ROCK1: variants seen among roughly 807,000 people sequenced by gnomAD.
ROCK1 encodes the protein Rho associated coiled-coil containing protein kinase 1, also known as rho-associated protein kinase 1.
Under a neutral mutation model 196.8 loss-of-function variants are expected in ROCK1, and 36 were observed. The observed-to-expected ratio is 0.18, with a 90% confidence interval of 0.14 to 0.24. The LOEUF (loss-of-function observed/expected upper bound fraction) is 0.24. ROCK1 is among the 10% of genes least tolerant of loss of function. The probability of loss-of-function intolerance (pLI) is 1.00; values close to 1 mark genes in which losing one functional copy is unlikely to be tolerated. For missense variants in ROCK1, 920 were observed against 1,562.0 expected (o/e 0.59, Z 6.93); for synonymous variants, 443 against 515.9 (o/e 0.86, Z 1.91).
At chr18:21,002,653 C>G (rs1441223744) in intron 16 of ROCK1, among the ~76,000 whole-genome samples, 1 of 152,144 alleles carries the variant, frequency 6.6e-6, no homozygotes, top group Non-Finnish European at 1.5e-5. Flanking sequence ...ACTGCAAATT[C>G]CTAAAGAAAC....
intron 9 of ROCK1, among the ~76,000 whole-genome samples, chr18:21,030,639 T>C (rs1437537836): frequency 6.6e-6 from 1 of 152,214 alleles, no homozygotes; most frequent in Admixed American, 6.6e-5. Context: ...GTTATAAAAA[T>C]AATTATTTCT....
chr18:20,966,270 G>T (rs1164351280), intron 27 of ROCK1, among the ~76,000 whole-genome samples: 3 of 151,988 alleles, frequency 2.0e-5, no homozygotes, highest in Non-Finnish European at 4.4e-5. Flanking sequence ...TTTACATGAC[G>T]ATTAAACCAA....
intron 16 of ROCK1, among the ~76,000 whole-genome samples, chr18:21,004,738 G>T (rs2035754236): frequency 6.6e-6 from 1 of 152,146 alleles, no homozygotes; most frequent in South Asian, 2.1e-4. Flanking sequence ...GAAGGGAGAT[G>T]AAGAGACTTT....
intron 24 of ROCK1, 94 bp from the exon 25 acceptor site, chr18:20,968,954 C>A: frequency 5.2e-6 from 5 of 959,698 alleles, no homozygotes; most frequent in Non-Finnish European, 8.1e-6. Context: ...AATAAGTATA[C>A]ATTACATAGT....
At chr18:21,098,746 T>C (rs1389625540) in intron 1 of ROCK1, among the ~76,000 whole-genome samples, 1 of 151,806 alleles carries the variant, frequency 6.6e-6, no homozygotes, top group Non-Finnish European at 1.5e-5. Context: ...ACAAAAAATA[T>C]GGACGGGCAG....
chr18:20,962,909 T>C (rs2035340453), intron 27 of ROCK1, among the ~76,000 whole-genome samples: 1 of 152,148 alleles, frequency 6.6e-6, no homozygotes, highest in Non-Finnish European at 1.5e-5. Flanking sequence ...TTCCTTTCCT[T>C]ACGCCTACCA....
At position 20,953,691 on chromosome 18, in the gene ROCK1, G is replaced by A. The variant is rs1484420191; in HGVS notation, c.3948C>T (p.Ile1316=). 2 of 1,604,310 alleles carry A rather than the reference G, an allele frequency of 1.2e-6. No homozygotes were observed. Among genetic ancestry groups the A allele is most frequent in the Non-Finnish European group, 1.7e-6 (2 of 1,177,586 alleles). Residue 1316 remains isoleucine, a synonymous_variant, in exon 32 of 33, where the codon ATC becomes ATT. Coordinates refer to ENST00000399799, the MANE Select transcript of ROCK1 (RefSeq NM_005406.3). ...KKWVTHLVKK[I]PKNPPSGFVR... ...CAAAACCAGATGGTGGATTCTTAGG[G>A]ATTTTCTTTACTAAATGAGTTACCC...
At position 21,078,735 on chromosome 18, in the gene ROCK1, T is replaced by A. The variant is rs72879436; in HGVS notation, c.94-8122A>T. The stretch of plus-strand genomic sequence containing the variant: ...GACTGACCACATTGATAACAGCTAG[T>A]GGATGCACCTTGGGGATTCAGGACT... On this transcript the variant is annotated intron_variant, in intron 1 of 32. Coordinates refer to ENST00000399799, the MANE Select transcript of ROCK1 (RefSeq NM_005406.3). Among the ~76,000 whole-genome samples, 1,317 of 152,282 alleles carry A rather than the reference T, an allele frequency of 8.6e-3. 11 individuals are homozygous for A. The highest frequency in any genetic ancestry group is 0.013 in the Non-Finnish European group (907 of 68,018).
At chr18:21,071,469 G>A (rs1268836439) in intron 1 of ROCK1, among the ~76,000 whole-genome samples, 11 of 152,088 alleles carry the variant, frequency 7.2e-5, no homozygotes, top group African/African-American at 2.7e-4. Flanking sequence ...GAGCCACCAC[G>A]CCTGGCCGAA....
chr18:21,082,980 C>T (rs2036495094), intron 1 of ROCK1, among the ~76,000 whole-genome samples: 1 of 152,060 alleles, frequency 6.6e-6, no homozygotes, highest in African/African-American at 2.4e-5. Context: ...CCGTCAGAGC[C>T]CATAACCAAA....
At chr18:21,003,656 C>G (rs1367311674) in intron 16 of ROCK1, among the ~76,000 whole-genome samples, 2 of 152,044 alleles carry the variant, frequency 1.3e-5, no homozygotes, top group African/African-American at 4.8e-5. Context: ...AAATGAAACA[C>G]GACTGGCTAC....
chr18:20,954,084 C>T (rs952491201), intron 31 of ROCK1, among the ~76,000 whole-genome samples: 6 of 146,090 alleles, frequency 4.1e-5, no homozygotes, highest in Non-Finnish European at 9.1e-5. Context: ...CCTCAAGCTA[C>T]CTCTGTAAAA....
At chr18:20,959,004 A>T (rs1418087853) in intron 29 of ROCK1, among the ~76,000 whole-genome samples, 1 of 81,294 alleles carries the variant, frequency 1.2e-5, no homozygotes, top group Non-Finnish European at 2.2e-5. Flanking sequence ...TAATATATAT[A>T]TTTTATATAA....
chr18:20,997,330 A>G (rs2035680574), intron 16 of ROCK1, among the ~76,000 whole-genome samples: 1 of 152,240 alleles, frequency 6.6e-6, no homozygotes, highest in Non-Finnish European at 1.5e-5. Context: ...AAACAAAAAA[A>G]GAGCAGTAGC....
At chr18:20,963,479 G>A (rs534027028) in intron 27 of ROCK1, among the ~76,000 whole-genome samples, 1 of 152,002 alleles carries the variant, frequency 6.6e-6, no homozygotes, top group East Asian at 1.9e-4. Context: ...ACTAGATTTG[G>A]GCAAGGTCAG....
intron 9 of ROCK1, among the ~76,000 whole-genome samples, chr18:21,031,738 C>T (rs1398908683): frequency 5.3e-5 from 8 of 151,306 alleles, no homozygotes; most frequent in Admixed American, 3.3e-4. Flanking sequence ...GGATGAAGTA[C>T]CAGGAAGATG....
intron 1 of ROCK1, among the ~76,000 whole-genome samples, chr18:21,102,340 A>G (rs1203380165): frequency 2.0e-5 from 3 of 152,194 alleles, no homozygotes; most frequent in African/African-American, 7.2e-5. Context: ...AGTCATGATC[A>G]TATCTCTTAC....
At chr18:21,068,396 G>C (rs2036355529) in intron 2 of ROCK1, among the ~76,000 whole-genome samples, 2 of 152,142 alleles carry the variant, frequency 1.3e-5, no homozygotes, top group Admixed American at 6.5e-5. Context: ...ATACTGTCTT[G>C]ATATTGACCT....
intron 25 of ROCK1, 156 bp downstream of exon 25, chr18:20,968,616 A>G (rs1417806498): frequency 3.4e-6 from 2 of 579,978 alleles, no homozygotes; most frequent in East Asian, 3.0e-5. Context: ...TTGAAATTCT[A>G]TTTCACAAAT....
Sources: gnomAD v4.1 joint callset for allele counts (sites outside exome capture counted in the v4.1 genomes callset) on GRCh38, gnomAD v4.1.1 for gene constraint, MANE v1.5 for transcripts, NCBI Gene and HGNC (gene_info 2026-07-23, HGNC 2026-07-21) for gene names.